Variants in GAREM1 observed in about 807,000 individuals in gnomAD.
The protein encoded by GAREM1 is GRB2-associated and regulator of MAPK protein 1.
Under a neutral mutation model 71.3 loss-of-function variants are expected in GAREM1, and 26 were observed. That is an observed-to-expected ratio of 0.36 (90% CI 0.27 to 0.51). GAREM1 has a LOEUF of 0.51. Among genes scored for constraint, GAREM1 ranks in the 20% least tolerant of loss-of-function variants. GAREM1 has a pLI of 0.95. For synonymous variants in GAREM1, 440 were observed against 433.2 expected, an observed-to-expected ratio of 1.02 and a Z score of -0.20; for missense variants, 1,026 against 1,103.1, an observed-to-expected ratio of 0.93 and a Z score of 0.99.
At chr18:32,378,581 T>C (rs1281688551) in intron 2 of GAREM1, among the ~76,000 whole-genome samples, 1 of 151,772 alleles carries the variant, frequency 6.6e-6, no homozygotes, top group East Asian at 1.9e-4. Flanking sequence ...CCTTTCTGCA[T>C]GATGCTCCAA....
intron 4 of GAREM1, among the ~76,000 whole-genome samples, chr18:32,272,875 A>G (rs1471794755): frequency 6.6e-6 from 1 of 152,184 alleles, no homozygotes; most frequent in Non-Finnish European, 1.5e-5. Context: ...CACCCTCCTT[A>G]GCCAGGCGGG....
At chr18:32,332,980 G>A (rs953484021) in intron 2 of GAREM1, among the ~76,000 whole-genome samples, 7 of 149,994 alleles carry the variant, frequency 4.7e-5, no homozygotes, top group Non-Finnish European at 1.0e-4. Context: ...GGTGCCGTTA[G>A]GGGAGAATTT....
chr18:32,417,202 T>C (rs1165769639), intron 1 of GAREM1, among the ~76,000 whole-genome samples: 1 of 152,120 alleles, frequency 6.6e-6, no homozygotes, highest in Non-Finnish European at 1.5e-5. Flanking sequence ...ATGGCTTTTA[T>C]CCAAGTCAGG....
chr18:32,427,650 A>T (rs142700999), intron 1 of GAREM1, among the ~76,000 whole-genome samples: 3 of 152,332 alleles, frequency 2.0e-5, no homozygotes, highest in African/African-American at 7.2e-5. Flanking sequence ...GTCACATCAT[A>T]AAAATCAAAA....
At chr18:32,323,432 A>G (rs559110663) in intron 2 of GAREM1, among the ~76,000 whole-genome samples, 197 of 152,292 alleles carry the variant, frequency 1.3e-3, no homozygotes, top group Non-Finnish European at 2.0e-3. Flanking sequence ...CTCATTTAAG[A>G]CCTATACTAT....
chr18:32,293,243 A>G (rs1056158681), intron 3 of GAREM1, among the ~76,000 whole-genome samples: 1 of 152,130 alleles, frequency 6.6e-6, no homozygotes, highest in African/African-American at 2.4e-5. Context: ...ACTGAGAGGA[A>G]CCAGGGCTCC....
chr18:32,308,080 A>G (rs11873865), intron 3 of GAREM1, among the ~76,000 whole-genome samples: 7,386 of 152,266 alleles, frequency 0.049, 453 homozygotes, highest in African/African-American at 0.14. Flanking sequence ...TTAAAACTCC[A>G]TAAGTAACAG....
intron 1 of GAREM1, among the ~76,000 whole-genome samples, chr18:32,424,042 G>A (rs955672220): frequency 3.5e-4 from 54 of 152,122 alleles, no homozygotes; most frequent in African/African-American, 1.3e-3. Context: ...AGGCTGGGGT[G>A]AGAGGATCAC....
chr18:32,365,898 C>T (rs1410081038), intron 2 of GAREM1, among the ~76,000 whole-genome samples: 1 of 152,140 alleles, frequency 6.6e-6, no homozygotes, highest in Non-Finnish European at 1.5e-5. Context: ...AATTCCATGG[C>T]TAGGGGAGGA....
At chr18:32,356,899 C>G (rs536462677) in intron 2 of GAREM1, among the ~76,000 whole-genome samples, 3 of 152,164 alleles carry the variant, frequency 2.0e-5, no homozygotes, top group Admixed American at 2.0e-4. Flanking sequence ...CCCTCCACCC[C>G]CAACCATGGC....
intron 1 of GAREM1, among the ~76,000 whole-genome samples, chr18:32,433,800 G>T (rs76288904): frequency 6.6e-6 from 1 of 152,092 alleles, no homozygotes; most frequent in Non-Finnish European, 1.5e-5. Flanking sequence ...AAAAGAAGAT[G>T]TAAAGAAATG....
At chr18:32,442,923 A>G (rs1362959085) in intron 1 of GAREM1, among the ~76,000 whole-genome samples, 1 of 152,198 alleles carries the variant, frequency 6.6e-6, no homozygotes, top group Non-Finnish European at 1.5e-5. Flanking sequence ...TTCAACTCAC[A>G]ATAGCATTAG....
intron 4 of GAREM1, among the ~76,000 whole-genome samples, chr18:32,275,051 T>G (rs1401557555): frequency 1.3e-5 from 2 of 152,024 alleles, no homozygotes; most frequent in African/African-American, 2.4e-5. Context: ...TCATTTGGGC[T>G]GAATGTTAAG....
chr18:32,370,407 G>GCAAAAC (rs1367185555), intron 2 of GAREM1, among the ~76,000 whole-genome samples: 16 of 140,882 alleles, frequency 1.1e-4, no homozygotes, highest in Admixed American at 7.3e-4. Flanking sequence ...TGGCAACAGA[G>GCAAAAC]CAAAACTCTG....
intron 2 of GAREM1, among the ~76,000 whole-genome samples, chr18:32,347,056 G>A (rs1239604140): frequency 1.3e-5 from 2 of 152,138 alleles, no homozygotes; most frequent in Admixed American, 6.5e-5. Context: ...AGCCAGGTTT[G>A]GGGCCTTTAA....
chr18:32,438,164 T>G (rs2048697529), intron 1 of GAREM1, among the ~76,000 whole-genome samples: 1 of 152,106 alleles, frequency 6.6e-6, no homozygotes, highest in African/African-American at 2.4e-5. Context: ...CTACTCCAAG[T>G]AAAACAATAA....
chr18:32,447,892 C>G (rs1359636048), intron 1 of GAREM1, among the ~76,000 whole-genome samples: 1 of 152,066 alleles, frequency 6.6e-6, no homozygotes, highest in African/African-American at 2.4e-5. Flanking sequence ...TGTTGAAATT[C>G]TTTGTTATTA....
At chr18:32,444,145 C>T (rs928676746) in intron 1 of GAREM1, among the ~76,000 whole-genome samples, 3 of 151,976 alleles carry the variant, frequency 2.0e-5, no homozygotes, top group Non-Finnish European at 4.4e-5. Context: ...CAAATGGGTG[C>T]AAGGTTTCTT....
intron 2 of GAREM1, among the ~76,000 whole-genome samples, chr18:32,334,633 A>G (rs2047571207): frequency 6.6e-6 from 1 of 152,230 alleles, no homozygotes; most frequent in South Asian, 2.1e-4. Flanking sequence ...GGGCACAGGC[A>G]GTCCTGACAC....
Sources: allele counts gnomAD v4.1 joint callset (sites outside exome capture counted in the v4.1 genomes callset), GRCh38; gene constraint gnomAD v4.1.1; transcripts MANE v1.5; gene names NCBI Gene and HGNC (gene_info 2026-07-23, HGNC 2026-07-21).